Variants in STEAP1B observed in about 807,000 individuals in gnomAD.
STEAP1B encodes the protein STEAP family member 1B, also known as STEAP family protein MGC87042.
A neutral mutation model predicts 27.9 loss-of-function variants in STEAP1B; 13 were observed. That is an observed-to-expected ratio of 0.47 (90% CI 0.30 to 0.74). The LOEUF is 0.74. STEAP1B is among the 30% of genes least tolerant of loss of function. The pLI, the probability that STEAP1B is intolerant of heterozygous loss-of-function variation, is 0.06. For synonymous variants in STEAP1B, 86 were observed against 107.1 expected (o/e 0.80, Z 1.22); for missense variants, 250 against 298.7 (o/e 0.84, Z 1.20).
At position 22,432,295 on chromosome 7, in the gene STEAP1B, T is replaced by C. The variant is rs112095429; in HGVS notation, c.763-12459A>G. On this transcript the variant is annotated intron_variant, in intron 4 of 4. Transcript: ENST00000678116. ...GGCTCACGCTTCTAATCCCAGTGCT[T>C]TGGGAGGCTGAGGTGGGAAGATCAT... Among the ~76,000 whole-genome samples the C allele has an allele frequency of 1.2e-3, 179 of 152,036 alleles. 1 individual carries two copies. Among genetic ancestry groups the C allele is most frequent in the African/African-American group, 4.2e-3 (175 of 41,454 alleles).
intron 4 of STEAP1B, among the ~76,000 whole-genome samples, chr7:22,466,245 G>A (rs889064679): frequency 1.3e-5 from 2 of 152,110 alleles, no homozygotes; most frequent in African/African-American, 4.8e-5. Flanking sequence ...TTTAGGTTCA[G>A]GGGATAGATG....
chr7:22,489,189 T>C (rs530973131), intron 4 of STEAP1B, among the ~76,000 whole-genome samples: 18 of 152,192 alleles, frequency 1.2e-4, no homozygotes, highest in Non-Finnish European at 2.2e-4. Flanking sequence ...ATTGATTGTT[T>C]TGGGAGTCCT....
chr7:22,448,630 G>A (rs866284639), intron 4 of STEAP1B, among the ~76,000 whole-genome samples: 2 of 151,976 alleles, frequency 1.3e-5, no homozygotes, highest in Non-Finnish European at 2.9e-5. Flanking sequence ...ACATAAATAT[G>A]ACAACTTTAG....
intron 4 of STEAP1B, among the ~76,000 whole-genome samples, chr7:22,424,311 AT>A (rs1279088555): frequency 6.6e-6 from 1 of 152,212 alleles, no homozygotes; most frequent in African/African-American, 2.4e-5. Context: ...GAAATCTATA[AT>A]AAAAACATAG....
chr7:22,490,679 ATGGG>A (rs1175943488), intron 4 of STEAP1B, among the ~76,000 whole-genome samples: 1 of 152,200 alleles, frequency 6.6e-6, no homozygotes, highest in African/African-American at 2.4e-5. Context: ...GGTTGTAATG[ATGGG>A]TGGGCTCATT....
intron 4 of STEAP1B, among the ~76,000 whole-genome samples, chr7:22,467,920 G>C (rs1785814833): frequency 6.6e-6 from 1 of 152,140 alleles, no homozygotes; most frequent in Non-Finnish European, 1.5e-5. Flanking sequence ...AAATTCCTTT[G>C]GCAAAGAGTT....
chr7:22,471,061 CTAT>C (rs758369393), intron 4 of STEAP1B, among the ~76,000 whole-genome samples: 28 of 133,504 alleles, frequency 2.1e-4, no homozygotes, highest in Non-Finnish European at 3.6e-4. Context: ...CCTAAAGAGC[CTAT>C]TTTTTCCCCC....
intron 4 of STEAP1B, among the ~76,000 whole-genome samples, chr7:22,430,434 C>A (rs1361062601): frequency 6.6e-6 from 1 of 152,184 alleles, no homozygotes; most frequent in Non-Finnish European, 1.5e-5. Context: ...ACGACTGAGG[C>A]AAGGAATTAT....
At position 22,485,397 on chromosome 7, in the gene STEAP1B, T is replaced by C. The variant is rs528831220; in HGVS notation, c.762+7168A>G. On this transcript the variant is annotated intron_variant, in intron 4 of 4. Coordinates refer to ENST00000678116, the MANE Select transcript of STEAP1B (RefSeq NM_001382447.1). ...TGAAAGCTCAGATGATTATCAGCAT[T>C]TTTTTAGCAATAAAGTATTTTAAAT... Among the ~76,000 whole-genome samples the C allele has an allele frequency of 2.6e-5, 4 of 152,298 alleles. No individual in the cohort carries two copies. In the South Asian group the frequency reaches 8.3e-4, roughly 32 times the overall value.
intron 4 of STEAP1B, among the ~76,000 whole-genome samples, chr7:22,420,340 A>G (rs1785029367): frequency 6.6e-6 from 1 of 152,162 alleles, no homozygotes; most frequent in Non-Finnish European, 1.5e-5. Context: ...GGGGATGATA[A>G]AGCACTCAGC....
At chr7:22,426,194 A>T (rs1785105600) in intron 4 of STEAP1B, among the ~76,000 whole-genome samples, 1 of 13,214 alleles carries the variant, frequency 7.6e-5, no homozygotes, top group East Asian at 1.9e-3. Context: ...GCACTGCATA[A>T]AAAAATGAAA....
chr7:22,494,613 T>C (rs1400244515), intron 2 of STEAP1B, among the ~76,000 whole-genome samples, 159 bp downstream of exon 2: 1 of 152,326 alleles, frequency 6.6e-6, no homozygotes, highest in East Asian at 1.9e-4. Context: ...TCACATATGC[T>C]ACTCTGTCCT....
intron 4 of STEAP1B, among the ~76,000 whole-genome samples, chr7:22,437,926 T>A (rs1239297248): frequency 3.3e-5 from 5 of 152,208 alleles, no homozygotes; most frequent in African/African-American, 1.2e-4. Context: ...CGTCTATTCA[T>A]TTTCTTTGCT....
intron 1 of STEAP1B, among the ~76,000 whole-genome samples, chr7:22,496,278 T>C (rs1786438654): frequency 6.6e-6 from 1 of 152,222 alleles, no homozygotes; most frequent in African/African-American, 2.4e-5. Context: ...GACGATGTTT[T>C]AAGCTAAGTG....
intron 4 of STEAP1B, among the ~76,000 whole-genome samples, chr7:22,434,924 C>A (rs896145559): frequency 6.6e-6 from 1 of 152,164 alleles, no homozygotes; most frequent in African/African-American, 2.4e-5. Context: ...AATCATTCTA[C>A]AATGGTGGAA....
chr7:22,474,033 T>C (rs1402128298), intron 4 of STEAP1B, among the ~76,000 whole-genome samples: 3 of 152,218 alleles, frequency 2.0e-5, no homozygotes, highest in Admixed American at 2.0e-4. Flanking sequence ...AAAGGGGTAA[T>C]ATAAACAGTT....
chr7:22,427,342 C>A (rs1785121993), intron 4 of STEAP1B, among the ~76,000 whole-genome samples: 1 of 152,162 alleles, frequency 6.6e-6, no homozygotes, highest in South Asian at 2.1e-4. Flanking sequence ...GAGATGACAA[C>A]CTGGCCTAAC....
At chr7:22,439,018 T>C (rs911719053) in intron 4 of STEAP1B, among the ~76,000 whole-genome samples, 1 of 152,174 alleles carries the variant, frequency 6.6e-6, no homozygotes, top group African/African-American at 2.4e-5. Context: ...CTGGCCAATA[T>C]GTAACTTGTA....
At chr7:22,451,350 T>G (rs1785486525) in intron 4 of STEAP1B, among the ~76,000 whole-genome samples, 2 of 152,340 alleles carry the variant, frequency 1.3e-5, no homozygotes, top group South Asian at 4.1e-4. Context: ...TCACATCATC[T>G]GCAAACAAGG....
Sources: gnomAD v4.1 joint callset for allele counts (sites outside exome capture counted in the v4.1 genomes callset) on GRCh38, gnomAD v4.1.1 for gene constraint, MANE v1.5 for transcripts, NCBI Gene and HGNC (gene_info 2026-07-23, HGNC 2026-07-21) for gene names.